SAMD4A: variants seen among roughly 807,000 people sequenced by gnomAD.
SAMD4A encodes the protein sterile alpha motif domain containing 4A.
Under a neutral mutation model 81.3 loss-of-function variants are expected in SAMD4A, and 33 were observed. The observed-to-expected ratio is 0.41, with a 90% confidence interval of 0.31 to 0.54. The LOEUF (loss-of-function observed/expected upper bound fraction) is 0.54. Ranked by LOEUF, SAMD4A falls within the 20% of genes least tolerant of loss-of-function variation. The probability of loss-of-function intolerance (pLI) is 0.37; values close to 1 mark genes in which losing one functional copy is unlikely to be tolerated. For missense variants in SAMD4A, 854 were observed against 951.1 expected, an observed-to-expected ratio of 0.90 and a Z score of 1.34; for synonymous variants, 389 against 382.1, an observed-to-expected ratio of 1.02 and a Z score of -0.21.
intron 2 of SAMD4A, among the ~76,000 whole-genome samples, chr14:54,695,953 G>GAAAAA (rs35817270): frequency 1.9e-3 from 150 of 78,100 alleles, no homozygotes; most frequent in Non-Finnish European, 2.9e-3. Flanking sequence ...CTCCATCTCA[G>GAAAAA]AAAAAAAAAA....
At chr14:54,591,844 T>G (rs559069241) in intron 2 of SAMD4A, among the ~76,000 whole-genome samples, 3 of 152,318 alleles carry the variant, frequency 2.0e-5, no homozygotes, top group East Asian at 3.9e-4. Context: ...TGTCTGTGAT[T>G]TCTCATTTCA....
chr14:54,763,872 G>A (rs1265180812), intron 7 of SAMD4A, among the ~76,000 whole-genome samples: 4 of 152,212 alleles, frequency 2.6e-5, no homozygotes, highest in Admixed American at 2.0e-4. Context: ...ACTTGAGTGT[G>A]TAGGTGAGCC....
At chr14:54,673,049 A>G (rs1222492153) in intron 2 of SAMD4A, among the ~76,000 whole-genome samples, 3 of 152,250 alleles carry the variant, frequency 2.0e-5, no homozygotes, top group Non-Finnish European at 4.4e-5. Context: ...AAGGTAGACA[A>G]GCATATTTGT....
chr14:54,790,812 C>T lies in SAMD4A; in HGVS notation c.*1868C>T, dbSNP rs760361834. The T allele has an allele frequency of 2.6e-5, 4 of 151,580 alleles. No homozygotes were observed. Among genetic ancestry groups the T allele is most frequent in the Admixed American group, 1.3e-4 (2 of 15,196 alleles). 9.4% of individuals were successfully genotyped at this position (151,580 alleles called of 1,614,324 possible). ...AGACCTAAAAGGCCTTAATGAAATC[C>T]GAACAATTTTCTTTTACTTTCAAGA... On this transcript the variant is annotated 3_prime_UTR_variant, in exon 13 of 13. Transcript: ENST00000554335.
At chr14:54,566,336 C>T (rs879277815), upstream of SAMD4A, among the ~76,000 whole-genome samples, 2 of 151,752 alleles carry the variant, frequency 1.3e-5, no homozygotes, top group African/African-American at 2.4e-5. Context: ...CTACGGCCCT[C>T]GGCGGGGGAC....
intron 2 of SAMD4A, among the ~76,000 whole-genome samples, chr14:54,599,715 A>G (rs569817198): frequency 6.6e-6 from 1 of 152,362 alleles, no homozygotes; most frequent in East Asian, 1.9e-4. Context: ...AGCATAGGTG[A>G]AAATATAAAG....
chr14:54,726,789 GAAGTT>G (rs2037425572), intron 3 of SAMD4A, among the ~76,000 whole-genome samples: 1 of 152,114 alleles, frequency 6.6e-6, no homozygotes, highest in Admixed American at 6.6e-5. Context: ...AGGCTCAAAG[GAAGTT>G]AAGTGTACAG....
rs572962004 is a variant in SAMD4A at position 54,615,145 on chromosome 14, T to A, written c.196+47033T>A. The stretch of plus-strand genomic sequence containing the variant: ...CCAGCCTCCCTGGCACTCTTGGTCA[T>A]CTGTCAATGAAGACTGACCCACCTG... On this transcript the variant is annotated intron_variant, in intron 2 of 12. Coordinates refer to ENST00000554335, the MANE Select transcript of SAMD4A (RefSeq NM_015589.6). 9.2e-5 allele frequency among the ~76,000 whole-genome samples: 14 copies of A among 152,346 alleles called. 1 individual carries two copies. The South Asian group carries it at 2.9e-3, about 32-fold the overall frequency.
chr14:54,675,343 G>GCAA (rs1373035777), intron 2 of SAMD4A, among the ~76,000 whole-genome samples: 1 of 119,076 alleles, frequency 8.4e-6, no homozygotes, highest in Non-Finnish European at 1.7e-5. Flanking sequence ...TCTAGCCTGG[G>GCAA]CAACAAGAGT....
chr14:54,762,595 G>A (rs911868383), intron 7 of SAMD4A, among the ~76,000 whole-genome samples: 1 of 152,086 alleles, frequency 6.6e-6, no homozygotes, highest in African/African-American at 2.4e-5. Context: ...AGCAGCTACT[G>A]AACACGCGGC....
chr14:54,737,146 G>A lies in SAMD4A; in HGVS notation c.838G>A (p.Gly280Arg), dbSNP rs1252822972. Residue 280 changes from glycine to arginine, a missense_variant, in exon 4 of 13, where the codon GGA becomes AGA. Gly to Arg is a moderately radical substitution (Grantham distance 125). Transcript: ENST00000554335. ...GTCTCATGAGGACTTACGAGCTAGA[G>A]GACCCCAGTGCCTCCCATCCGATCA... Reference protein sequence around the residue: ...WMSHEDLRARGPQCLPSDHAP... With the variant: ...WMSHEDLRARRPQCLPSDHAP... The A allele has an allele frequency of 6.2e-7, 1 of 1,614,086 alleles. No homozygotes were observed. Among genetic ancestry groups the A allele is most frequent in the South Asian group, 1.1e-5 (1 of 91,066 alleles).
intron 3 of SAMD4A, among the ~76,000 whole-genome samples, chr14:54,705,580 T>C (rs936140845): frequency 3.3e-5 from 5 of 152,108 alleles, no homozygotes; most frequent in African/African-American, 4.8e-5. Flanking sequence ...GTTTTTGTTT[T>C]TGTTTTTGTT....
intron 2 of SAMD4A, among the ~76,000 whole-genome samples, chr14:54,586,235 T>C (rs1374307528): frequency 6.6e-6 from 1 of 152,156 alleles, no homozygotes; most frequent in African/African-American, 2.4e-5. Context: ...ATATCTTCTT[T>C]TGAGAATTCA....
At chr14:54,761,575 C>T (rs1174630888) in intron 7 of SAMD4A, among the ~76,000 whole-genome samples, 1 of 152,196 alleles carries the variant, frequency 6.6e-6, no homozygotes, top group Admixed American at 6.5e-5. Context: ...ACCTAGGCCC[C>T]TACTAGTTTA....
At chr14:54,687,959 C>T in intron 2 of SAMD4A, 2 of 986,188 alleles carry the variant, frequency 2.0e-6, no homozygotes, top group South Asian at 9.4e-5. Context: ...CATCATAATA[C>T]CCAGCCAGAC....
rs1385875336 is a variant in SAMD4A at position 54,620,778 on chromosome 14, GAGAC to G, written c.196+52670_196+52673del. Among the ~76,000 whole-genome samples the G allele has an allele frequency of 2.0e-5, 3 of 152,008 alleles. No individual in the cohort carries two copies. The East Asian group carries it at 5.8e-4, about 29-fold the overall frequency. ...TCCATTCATTTATTTATTTATTTTA[GAGAC>G]AGAGTCTCACTTTGTCTGCCAGGTT... On this transcript the variant is annotated intron_variant, in intron 2 of 12. Transcript: ENST00000554335.
At chr14:54,729,409 C>A (rs755933393) in intron 3 of SAMD4A, among the ~76,000 whole-genome samples, 2 of 152,186 alleles carry the variant, frequency 1.3e-5, no homozygotes, top group Non-Finnish European at 2.9e-5. Context: ...TCTCTACTAT[C>A]TCGCTTCTCT....
rs192578310 is a variant in SAMD4A, at chr14:54,581,900, T to G, written c.196+13788T>G. Among the ~76,000 whole-genome samples the G allele has an allele frequency of 9.2e-5, 14 of 152,368 alleles. No individual in the cohort carries two copies. In the East Asian group the frequency reaches 2.1e-3, roughly 23 times the overall value. ...TGCTTTGCTTTTTGTTCTATAATATTATTTCCACTTTTACCTTTCACTGAA... is the reference window on the plus strand; with the variant it reads ...TGCTTTGCTTTTTGTTCTATAATATGATTTCCACTTTTACCTTTCACTGAA... On this transcript the variant is annotated intron_variant, in intron 2 of 12. Coordinates refer to ENST00000554335, the MANE Select transcript of SAMD4A (RefSeq NM_015589.6).
At chr14:54,688,371 G>C in intron 2 of SAMD4A, 1 of 985,522 alleles carries the variant, frequency 1.0e-6, no homozygotes, top group Non-Finnish European at 1.2e-6. Context: ...CCTCCTTGGA[G>C]CAGCACATAA....
Sources: gnomAD v4.1 joint callset for allele counts (sites outside exome capture counted in the v4.1 genomes callset) on GRCh38, gnomAD v4.1.1 for gene constraint, MANE v1.5 for transcripts, NCBI Gene and HGNC (gene_info 2026-07-23, HGNC 2026-07-21) for gene names.